The following HPSE2 variants were observed in gnomAD, a reference collection of about 807,000 sequenced individuals.
HPSE2 encodes heparanase 2 (inactive).
In HPSE2, 38 loss-of-function variants were observed where a neutral mutation model predicts 60.5. That is an observed-to-expected ratio of 0.63 (90% confidence interval 0.48 to 0.82). HPSE2 has a LOEUF of 0.82. Ranked by LOEUF, HPSE2 falls within the 40% of genes least tolerant of loss-of-function variation. HPSE2 has a pLI of 0.00. For synonymous variants in HPSE2, 295 were observed against 293.2 expected (o/e 1.01, Z -0.06); for missense variants, 713 against 740.4 (o/e 0.96, Z 0.43).
chr10:99,247,865 T>C, the HPSE2 span, among the ~76,000 whole-genome samples: 1 of 152,198 alleles, frequency 6.6e-6, no homozygotes, highest in Non-Finnish European at 1.5e-5. Context: ...TTTAAGTGTG[T>C]AGCACCTACC....
intron 3 of HPSE2, among the ~76,000 whole-genome samples, chr10:98,895,035 C>T (rs1021651294): frequency 2.0e-5 from 3 of 151,850 alleles, no homozygotes; most frequent in Middle Eastern, 3.4e-3. Flanking sequence ...CAAACCAAAA[C>T]GATTTTTCAA....
Position 98,471,450 on chromosome 10 carries a change from C to T in HPSE2, c.1613+11186G>A, listed in dbSNP as rs548940286. Among the ~76,000 whole-genome samples the T allele has an allele frequency of 6.5e-4, 99 of 152,152 alleles. 1 individual carries two copies. The highest frequency in any genetic ancestry group is 2.4e-3 in the African/African-American group (98 of 41,502). On this transcript the variant is annotated intron_variant, in intron 11 of 11. Coordinates refer to ENST00000370552, the MANE Select transcript of HPSE2 (RefSeq NM_021828.5). ...TGTTTGTAGCTGGGGGTGGAGGGGA[C>T]TCAGATATCTTTCTAACTGTTACAT...
chr10:99,248,077 T>C, the HPSE2 span, among the ~76,000 whole-genome samples: 29 of 152,008 alleles, frequency 1.9e-4, no homozygotes, highest in Admixed American at 1.9e-3. Context: ...ATACAGAAAA[T>C]TGGTACCAGG....
chr10:99,300,427 A>G, the HPSE2 span, among the ~76,000 whole-genome samples: 1 of 152,176 alleles, frequency 6.6e-6, no homozygotes, highest in African/African-American at 2.4e-5. Flanking sequence ...CTCAGATTTA[A>G]CCCATTTCTT....
intron 3 of HPSE2, among the ~76,000 whole-genome samples, chr10:99,139,384 T>C (rs892852332): frequency 1.3e-5 from 2 of 152,122 alleles, no homozygotes; most frequent in East Asian, 1.9e-4. Flanking sequence ...TTCATCACTA[T>C]ACAATTCATC....
intron 3 of HPSE2, among the ~76,000 whole-genome samples, chr10:99,114,563 G>T (rs1404662563): frequency 6.6e-6 from 1 of 152,234 alleles, no homozygotes; most frequent in African/African-American, 2.4e-5. Flanking sequence ...AATTCATAAA[G>T]ACAAAGTTTC....
At chr10:98,556,735 C>T (rs1944018653) in intron 9 of HPSE2, among the ~76,000 whole-genome samples, 1 of 152,114 alleles carries the variant, frequency 6.6e-6, no homozygotes, top group South Asian at 2.1e-4. Context: ...TTAATTAATC[C>T]TAAATTAAAC....
the HPSE2 span, among the ~76,000 whole-genome samples, chr10:99,243,083 G>A: frequency 2.0e-5 from 3 of 152,184 alleles, no homozygotes; most frequent in Admixed American, 1.3e-4. Context: ...TCCGGGCACA[G>A]TGGCTCACGC....
chr10:99,017,153 T>C (rs1957161592), intron 3 of HPSE2, among the ~76,000 whole-genome samples: 3 of 152,230 alleles, frequency 2.0e-5, no homozygotes, highest in African/African-American at 7.2e-5. Flanking sequence ...AGTATGATGA[T>C]GGCTATGGGT....
intron 3 of HPSE2, among the ~76,000 whole-genome samples, chr10:98,779,973 G>C (rs1022348833): frequency 6.6e-6 from 1 of 152,054 alleles, no homozygotes; most frequent in Admixed American, 6.6e-5. Context: ...AAGCACGGGG[G>C]TCTCTCATAA....
At chr10:98,512,842 C>CACACACACACACACACAG (rs1388340168) in intron 9 of HPSE2, among the ~76,000 whole-genome samples, 1 of 151,554 alleles carries the variant, frequency 6.6e-6, no homozygotes. Flanking sequence ...CACACACACA[C>CACACACACACACACACAG]AGGCACACTT....
At chr10:98,632,083 A>G (rs554519216) in intron 7 of HPSE2, among the ~76,000 whole-genome samples, 2 of 152,314 alleles carry the variant, frequency 1.3e-5, no homozygotes, top group South Asian at 2.1e-4. Context: ...AGTGTGGGCA[A>G]TACTGAATAG....
At chr10:98,540,613 G>A (rs1365226331) in intron 9 of HPSE2, among the ~76,000 whole-genome samples, 1 of 152,180 alleles carries the variant, frequency 6.6e-6, no homozygotes, top group Non-Finnish European at 1.5e-5. Flanking sequence ...GCATCTTGGG[G>A]TAATAAGTCA....
intron 3 of HPSE2, among the ~76,000 whole-genome samples, chr10:99,115,851 G>A (rs1423128822): frequency 6.6e-6 from 1 of 152,148 alleles, no homozygotes; most frequent in African/African-American, 2.4e-5. Flanking sequence ...AACAGTTGGA[G>A]AAAAGGGGAA....
intron 7 of HPSE2, among the ~76,000 whole-genome samples, chr10:98,630,439 C>T (rs984836978): frequency 1.2e-4 from 18 of 152,056 alleles, no homozygotes; most frequent in Non-Finnish European, 2.1e-4. Context: ...CCTCATGATC[C>T]GCCCGCCTTG....
At chr10:98,817,834 C>T (rs1045265458) in intron 3 of HPSE2, among the ~76,000 whole-genome samples, 4 of 152,190 alleles carry the variant, frequency 2.6e-5, no homozygotes, top group African/African-American at 9.6e-5. Flanking sequence ...AAAGAGTTCA[C>T]CAAGATTACT....
chr10:98,877,147 A>G (rs1395983987), intron 3 of HPSE2, among the ~76,000 whole-genome samples: 1 of 151,952 alleles, frequency 6.6e-6, no homozygotes, highest in Non-Finnish European at 1.5e-5. Flanking sequence ...TCTATTATAA[A>G]ACGAAATTTA....
intron 3 of HPSE2, among the ~76,000 whole-genome samples, chr10:98,814,497 TA>T (rs1306697914): frequency 6.6e-6 from 1 of 152,184 alleles, no homozygotes; most frequent in African/African-American, 2.4e-5. Flanking sequence ...CAGGACCGTT[TA>T]AAGAGGCAGA....
intron 5 of HPSE2, among the ~76,000 whole-genome samples, chr10:98,715,648 T>A (rs1038703649): frequency 6.6e-6 from 1 of 152,054 alleles, no homozygotes; most frequent in African/African-American, 2.4e-5. Flanking sequence ...AAGAGTTATG[T>A]TTACACTATA....
Sources: allele counts gnomAD v4.1 joint callset (sites outside exome capture counted in the v4.1 genomes callset), GRCh38; gene constraint gnomAD v4.1.1; transcripts MANE v1.5; gene names NCBI Gene and HGNC (gene_info 2026-07-23, HGNC 2026-07-21).